Variants in RGS22 observed in about 807,000 individuals in gnomAD.
The protein encoded by RGS22 is regulator of G protein signaling 22.
In RGS22, 148 loss-of-function variants were observed where a neutral mutation model predicts 172.9. That is an observed-to-expected ratio of 0.86 (90% CI 0.75 to 0.98). The LOEUF is 0.98. Ranked by LOEUF, RGS22 falls within the 50% of genes least tolerant of loss-of-function variation. The probability of loss-of-function intolerance (pLI) is 0.00; values close to 1 mark genes in which losing one functional copy is unlikely to be tolerated. For missense variants in RGS22, 1,347 were observed against 1,440.8 expected, an observed-to-expected ratio of 0.93 and a Z score of 1.05; for synonymous variants, 458 against 480.2, an observed-to-expected ratio of 0.95 and a Z score of 0.60.
intron 14 of RGS22, among the ~76,000 whole-genome samples, chr8:100,022,494 G>A (rs1817693021): frequency 6.6e-6 from 1 of 152,068 alleles, no homozygotes; most frequent in Admixed American, 6.6e-5. Flanking sequence ...GACATTTTAA[G>A]TAAAATCAGT....
intron 19 of RGS22, among the ~76,000 whole-genome samples, chr8:99,998,828 G>A (rs1291857025): frequency 6.6e-6 from 1 of 151,918 alleles, no homozygotes; most frequent in East Asian, 1.9e-4. Context: ...ACCACACGTG[G>A]CTGACTCCAT....
intron 8 of RGS22, 116 bp from the exon 9 acceptor site, chr8:100,062,868 G>T: frequency 1.2e-6 from 1 of 832,500 alleles, no homozygotes; most frequent in Admixed American, 3.1e-5. Flanking sequence ...CCTAAAACAG[G>T]GTTCTCTTAA....
At chr8:100,086,014 G>A (rs752723499) in intron 3 of RGS22, among the ~76,000 whole-genome samples, 2 of 152,096 alleles carry the variant, frequency 1.3e-5, no homozygotes, top group African/African-American at 2.4e-5. Context: ...TGGAAATTAA[G>A]GAAGATGTAT....
intron 20 of RGS22, among the ~76,000 whole-genome samples, chr8:99,992,914 G>A (rs570690223): frequency 4.6e-5 from 7 of 152,246 alleles, no homozygotes; most frequent in Admixed American, 6.5e-5. Context: ...ACAACAAACT[G>A]TCTCTTGGAC....
At position 100,037,306 on chromosome 8, in the gene RGS22, T is replaced by C. The variant is rs558637441; in HGVS notation, c.2166+1625A>G. Among the ~76,000 whole-genome samples, 57 of 152,080 alleles carry C rather than the reference T, an allele frequency of 3.7e-4. 1 individual carries two copies. In the Middle Eastern group the frequency reaches 0.024, roughly 64 times the overall value. On this transcript the variant is annotated intron_variant, in intron 14 of 27. Coordinates refer to ENST00000360863, the MANE Select transcript of RGS22 (RefSeq NM_015668.5). ...AAGATCCTGCCTCTAAAAAAGTAAA[T>C]AAATAAAAAAGTAAGACAAAGTAAA... is the stretch of plus-strand genomic sequence containing the variant.
chr8:99,999,202 C>A, intron 19 of RGS22, 60 bp downstream of exon 19: 3 of 1,400,370 alleles, frequency 2.1e-6, no homozygotes, highest in East Asian at 2.4e-5. Flanking sequence ...CAGGTATGTA[C>A]ATTTGAAGTT....
At chr8:100,056,754 G>C (rs1809653995) in intron 9 of RGS22, among the ~76,000 whole-genome samples, 1 of 152,220 alleles carries the variant, frequency 6.6e-6, no homozygotes, top group African/African-American at 2.4e-5. Flanking sequence ...GAAACTCCTG[G>C]ATGTCCAGAC....
chr8:100,033,335 T>C (rs1014872537), intron 14 of RGS22, among the ~76,000 whole-genome samples: 4 of 152,040 alleles, frequency 2.6e-5, no homozygotes, highest in African/African-American at 9.7e-5. Flanking sequence ...ATAAAGGAGA[T>C]ATCACCACTG....
chr8:100,063,639 A>G lies in RGS22; in HGVS notation c.1129T>C (p.Ser377Pro). The G allele has an allele frequency of 6.2e-7, 1 of 1,613,956 alleles. No homozygotes were observed. Among genetic ancestry groups the G allele is most frequent in the South Asian group, 1.1e-5 (1 of 91,072 alleles). Reference protein sequence around the residue: ...SELVQTTKERSEEIEQTSLSS... With the variant: ...SELVQTTKERPEEIEQTSLSS... ...AAACTTGTTTGTTCTATCTCTTCTGACCTCTCCTTTGTAGTTTGAACTAAT... is the reference window on the plus strand; with the variant it reads ...AAACTTGTTTGTTCTATCTCTTCTGGCCTCTCCTTTGTAGTTTGAACTAAT... Residue 377 changes from serine to proline, a missense_variant, in exon 8 of 28, where the codon TCA becomes CCA. By Grantham distance (74) the Ser-to-Pro change is moderately conservative. Transcript: ENST00000360863.
intron 23 of RGS22, among the ~76,000 whole-genome samples, chr8:99,970,147 A>C (rs1811180275): frequency 6.6e-6 from 1 of 152,232 alleles, no homozygotes; most frequent in Non-Finnish European, 1.5e-5. Context: ...GTAAATAAGA[A>C]AATTAAGGCA....
Position 99,999,341 on chromosome 8 carries a change from T to A in RGS22, c.2870A>T (p.His957Leu). The A allele has an allele frequency of 1.2e-6, 2 of 1,614,006 alleles. No homozygotes were observed. The highest frequency in any genetic ancestry group is 1.7e-6 in the Non-Finnish European group (2 of 1,179,962). The part of the protein sequence containing the change: ...DAPVLVEIQK[H>L]VQNRLENVWL... ...TACATTTTCTAGCCTATTTTGCACA[T>A]GCTTCTGGATTTCAACTAGAACAGG... is the stretch of plus-strand genomic sequence containing the variant. Residue 957 changes from histidine to leucine, a missense_variant, in exon 19 of 28, where the codon CAT becomes CTT. By Grantham distance (99) the His-to-Leu change is moderately conservative. Transcript: ENST00000360863.
At position 100,008,397 on chromosome 8, in the gene RGS22, G is replaced by T; in HGVS notation, c.2339C>A (p.Ser780Ter). ...TACCTTTTTATAAGCAATTTGGTCC[G>T]ATTTTACCATCTTTGTCCATGGCTC... ...LLEPWTKMVKSDQIAYKKVEL... is the reference protein window; with the variant it reads ...LLEPWTKMVK Residue 780 changes from serine to a stop codon, truncating the protein, a stop_gained, in exon 15 of 28, where the codon TCG (serine) becomes TAG (stop). Transcript: ENST00000360863. LOFTEE classifies it high-confidence loss of function. 1 of 1,610,364 alleles carries T rather than the reference G, an allele frequency of 6.2e-7. No homozygotes were observed. The highest frequency in any genetic ancestry group is 8.5e-7 in the Non-Finnish European group (1 of 1,179,262).
In RGS22 at chr8:100,063,815, G is replaced by A. The variant is rs1469886638; in HGVS notation, c.953C>T (p.Ser318Phe). ...TCCTCTCAAAATAAAGTATATATAG[G>A]AGCTTAAAAATTCTTCACATGTTGA... ...HFSTCEEFLS[S>F]YIYFILRGAI... The change falls in exon 8 of 28, where the codon TCC (serine) becomes TTC (phenylalanine). Residue 318 changes from serine (S) to phenylalanine (F), a missense_variant. Physicochemically the swap from Ser to Phe is radical, Grantham distance 155. Coordinates refer to ENST00000360863, the MANE Select transcript of RGS22 (RefSeq NM_015668.5). 8.7e-6 allele frequency: 14 copies of A among 1,609,842 alleles called. No homozygotes were observed. Among genetic ancestry groups the A allele is most frequent in the Admixed American group, 1.7e-5 (1 of 58,992 alleles).
intron 15 of RGS22, among the ~76,000 whole-genome samples, chr8:100,007,936 G>A (rs557141430): frequency 3.3e-5 from 5 of 151,870 alleles, no homozygotes; most frequent in East Asian, 1.9e-4. Flanking sequence ...TTAGGGCCAC[G>A]TGAGACCTTT....
At chr8:100,086,377 G>A (rs1292521800) in intron 3 of RGS22, among the ~76,000 whole-genome samples, 1 of 152,100 alleles carries the variant, frequency 6.6e-6, no homozygotes, top group Non-Finnish European at 1.5e-5. Context: ...TTCTCATAGG[G>A]TGGTTCCTAG....
chr8:100,013,074 C>T (rs183018242), intron 14 of RGS22, among the ~76,000 whole-genome samples: 2,031 of 150,612 alleles, frequency 0.013, 28 homozygotes, highest in Non-Finnish European at 0.022. Context: ...ACTGCAAGCT[C>T]CGCCTCTTGG....
chr8:100,015,934 C>T (rs1816900721), intron 14 of RGS22, among the ~76,000 whole-genome samples: 1 of 152,158 alleles, frequency 6.6e-6, no homozygotes. Context: ...ATAATTGGGA[C>T]AGTCATGTGT....
rs1335865514 is a variant in RGS22 at position 99,987,616 on chromosome 8, C to T, written c.3022G>A (p.Val1008Met). 5 of 1,591,724 alleles carry T rather than the reference C, an allele frequency of 3.1e-6. No individual in the cohort carries two copies. Among genetic ancestry groups the T allele is most frequent in the Non-Finnish European group, 4.3e-6 (5 of 1,168,808 alleles). ...GATGAAGAGATCCACTTACTCTCCA[C>T]AGGCTGTCCAAAGCAGAGAATATAG... is the stretch of plus-strand genomic sequence containing the variant. ...AEKKIGVWKP[V>M]ESKWISSSCK... The change falls in exon 21 of 28, where the codon GTG becomes ATG. Residue 1008 changes from valine to methionine, a missense_variant. Transcript: ENST00000360863.
intron 14 of RGS22, among the ~76,000 whole-genome samples, chr8:100,014,022 T>C (rs1816693065): frequency 1.3e-5 from 2 of 152,188 alleles, no homozygotes; most frequent in Admixed American, 6.5e-5. Context: ...AAAACTGCCA[T>C]CCTCTTTAAT....
Sources: allele counts gnomAD v4.1 joint callset (sites outside exome capture counted in the v4.1 genomes callset), GRCh38; gene constraint gnomAD v4.1.1; transcripts MANE v1.5; gene names NCBI Gene and HGNC (gene_info 2026-07-23, HGNC 2026-07-21).